ARPC1B: variants seen among roughly 807,000 people sequenced by gnomAD.
The protein encoded by ARPC1B is actin-related protein 2/3 complex subunit 1B.
Under a neutral mutation model 46.0 loss-of-function variants are expected in ARPC1B, and 29 were observed. The observed-to-expected ratio is 0.63, with a 90% CI of 0.47 to 0.86. The LOEUF is 0.86. Ranked by LOEUF, ARPC1B falls within the 40% of genes least tolerant of loss-of-function variation. The pLI is 0.00. For missense variants in ARPC1B, 469 were observed against 529.4 expected, an observed-to-expected ratio of 0.89 and a Z score of 1.12; for synonymous variants, 201 against 213.9, an observed-to-expected ratio of 0.94 and a Z score of 0.53.
In ARPC1B at chr7:99,389,957, G is replaced by T. The variant is rs143427534; in HGVS notation, c.445G>T (p.Asp149Tyr). ...CATCCGCTCCACCGTCCTCAGCCTG[G>T]ACTGGCACCCCAACAATGTGCTGCT... ...KPIRSTVLSL[D>Y]WHPNNVLLAA... Residue 149 changes from aspartate (D) to tyrosine (Y), a missense_variant, in exon 5 of 10, where the codon GAC becomes TAC. Coordinates refer to ENST00000646101, the MANE Select transcript of ARPC1B (RefSeq NM_005720.4). The T allele has an allele frequency of 5.9e-4, 950 of 1,614,036 alleles. 2 individuals are homozygous for T. Among genetic ancestry groups the T allele is most frequent in the Non-Finnish European group, 3.8e-4 (452 of 1,180,034 alleles).
rs1562815743 is a variant in ARPC1B at position 99,388,248 on chromosome 7, CAGG to C, written c.382_384del (p.Glu128del). The C allele has an allele frequency of 6.2e-7, 1 of 1,613,894 alleles. No homozygotes were observed. The stretch of plus-strand genomic sequence containing the variant: ...TGTGATCTCCATCTGTTATTTCGAG[CAGG>C]AGAATGACTGGTGGGTACCTAGGCA... On this transcript the variant is annotated inframe_deletion, in exon 4 of 10. Transcript: ENST00000646101.
At chr7:99,384,860 CTTTTTTT>C (rs1245581099) in intron 1 of ARPC1B, among the ~76,000 whole-genome samples, 14 of 101,202 alleles carry the variant, frequency 1.4e-4, no homozygotes, top group Non-Finnish European at 1.2e-4. Flanking sequence ...TACTTCATTT[CTTTTTTT>C]TTTTTTTTTT....
intron 3 of ARPC1B, among the ~76,000 whole-genome samples, chr7:99,387,548 G>A (rs1794431924): frequency 6.6e-6 from 1 of 152,156 alleles, no homozygotes; most frequent in South Asian, 2.1e-4. Flanking sequence ...GACCAGCCTG[G>A]TCAACATGGT....
chr7:99,392,951 C>T (rs543957041), intron 8 of ARPC1B, 75 bp downstream of exon 8: 2 of 1,397,304 alleles, frequency 1.4e-6, no homozygotes, highest in Admixed American at 2.5e-5. Flanking sequence ...GAGGAAGGGG[C>T]CTGGAGTCTT....
intron 2 of ARPC1B, chr7:99,386,302 C>T: frequency 2.6e-6 from 1 of 378,764 alleles, no homozygotes; most frequent in South Asian, 2.1e-5. Flanking sequence ...AAGAAAAAGC[C>T]TTTCGGAGGA....
At chr7:99,393,954 C>T (rs935644400) in intron 8 of ARPC1B, 75 bp from the exon 9 acceptor site, 28 of 1,472,850 alleles carry the variant, frequency 1.9e-5, no homozygotes, top group Non-Finnish European at 2.5e-5. Flanking sequence ...AGTCTGGGAG[C>T]GCCTGGTGGA....
At position 99,388,239 on chromosome 7, in the gene ARPC1B, T is replaced by C. The variant is rs1425250733; in HGVS notation, c.370T>C (p.Tyr124His). The part of the protein sequence containing the change: ...GSGSRVISIC[Y>H]FEQENDWWVC... ...CGGCTCTCGTGTGATCTCCATCTGTTATTTCGAGCAGGAGAATGACTGGTG... is the reference window on the plus strand; with the variant it reads ...CGGCTCTCGTGTGATCTCCATCTGTCATTTCGAGCAGGAGAATGACTGGTG... The change falls in exon 4 of 10, where the codon TAT becomes CAT. Residue 124 changes from tyrosine (Y) to histidine (H), a missense_variant. By Grantham distance (83) the Tyr-to-His change is moderately conservative (BLOSUM62 2). Coordinates refer to ENST00000646101, the MANE Select transcript of ARPC1B (RefSeq NM_005720.4). 2.5e-6 allele frequency: 4 copies of C among 1,614,096 alleles called. No homozygotes were observed. Among genetic ancestry groups the C allele is most frequent in the Non-Finnish European group, 3.4e-6 (4 of 1,179,960 alleles).
Position 99,394,457 on chromosome 7 carries a change from G to A in ARPC1B, c.1087G>A (p.Glu363Lys). 1 of 1,613,982 alleles carries A rather than the reference G, an allele frequency of 6.2e-7. No individual in the cohort carries two copies. The highest frequency in any genetic ancestry group is 8.5e-7 in the Non-Finnish European group (1 of 1,179,930). ...GMSIWDVKSL[E>K]SALKDLKIK ...CCGTTCTGCCTCCCTGCAGAGCTTG[G>A]AGTCAGCCTTGAAGGACCTCAAGAT... Residue 363 changes from glutamate (E) to lysine (K), a missense_variant, in exon 10 of 10, where the codon GAG becomes AAG. Glu to Lys is a moderately conservative substitution (Grantham distance 56, BLOSUM62 1). Coordinates refer to ENST00000646101, the MANE Select transcript of ARPC1B (RefSeq NM_005720.4).
In ARPC1B at chr7:99,388,183, C is replaced by T. The variant is rs1186149065; in HGVS notation, c.314C>T (p.Ala105Val). 5.0e-6 allele frequency: 8 copies of T among 1,614,240 alleles called. No individual in the cohort carries two copies. Among genetic ancestry groups the T allele is most frequent in the Non-Finnish European group, 6.8e-6 (8 of 1,180,034 alleles). ...INRAARCVRW[A>V]PNENKFAVGS... ...CGGGCTGCCCGCTGCGTGCGCTGGG[C>T]CCCCAACGAGAACAAGTTTGCTGTG... The change falls in exon 4 of 10, where the codon GCC becomes GTC. Residue 105 changes from alanine (A) to valine (V), a missense_variant. Coordinates refer to ENST00000646101, the MANE Select transcript of ARPC1B (RefSeq NM_005720.4).
intron 4 of ARPC1B, 197 bp from the exon 5 acceptor site, chr7:99,389,708 C>CGTATCATTAAAAA: frequency 1.7e-6 from 1 of 584,614 alleles, no homozygotes; most frequent in Admixed American, 3.0e-5. Flanking sequence ...ACAGAGTTCC[C>CGTATCATTAAAAA]ACTCCAGAAG....
chr7:99,389,528 T>TA (rs1278015670), intron 4 of ARPC1B: 4 of 184,396 alleles, frequency 2.2e-5, no homozygotes, highest in Non-Finnish European at 4.6e-5. Context: ...GTCCACGTCT[T>TA]AGTTTTTAAT....
chr7:99,385,871 C>T, intron 2 of ARPC1B, 93 bp downstream of exon 2: 3 of 1,318,684 alleles, frequency 2.3e-6, no homozygotes, highest in East Asian at 5.0e-5. Context: ...AGCAGCCAGG[C>T]CCCCGGACCA....
intron 3 of ARPC1B, among the ~76,000 whole-genome samples, chr7:99,387,436 T>A (rs764195100): frequency 6.8e-6 from 1 of 146,570 alleles, no homozygotes; most frequent in Non-Finnish European, 1.5e-5. Context: ...TGTGTCGCAA[T>A]AAAAACAAAG....
chr7:99,380,491 T>G (rs1438678229), intron 1 of ARPC1B, among the ~76,000 whole-genome samples: 2 of 152,256 alleles, frequency 1.3e-5, no homozygotes, highest in African/African-American at 4.8e-5. Flanking sequence ...GAAGTGTGAT[T>G]GGCTGATAGG....
chr7:99,383,757 G>A (rs1405974630), intron 1 of ARPC1B, among the ~76,000 whole-genome samples: 1 of 152,212 alleles, frequency 6.6e-6, no homozygotes, highest in East Asian at 1.9e-4. Flanking sequence ...GGAAGCCCGA[G>A]GCAGGTGCAT....
chr7:99,392,691 G>C lies in ARPC1B; in HGVS notation c.804G>C (p.Val268=). Residue 268 remains valine, a synonymous_variant, in exon 8 of 10, where the codon GTG becomes GTC. Transcript: ENST00000646101. ...LVAAGHDCFP[V]LFTYDAAAGM... ...CGCAGGGCCACGACTGCTTCCCGGT[G>C]CTGTTCACCTATGACGCCGCCGCGG... The C allele has an allele frequency of 6.5e-7, 1 of 1,539,892 alleles. No homozygotes were observed. The highest frequency in any genetic ancestry group is 8.8e-7 in the Non-Finnish European group (1 of 1,139,690).
At position 99,394,032 on chromosome 7, in the gene ARPC1B, G is replaced by C. The variant is rs879820720; in HGVS notation, c.993G>C (p.Gln331His). ...LDSLHKNSVS[Q>H]ISVLSGGKAK... ...AAGCTCCTCTTCCTCTTTGCAGCCA[G>C]ATCTCGGTGCTCAGCGGCGGCAAGG... The change falls in exon 9 of 10, where the codon CAG (glutamine) becomes CAC (histidine). Residue 331 changes from glutamine (Q) to histidine (H), a missense_variant. By Grantham distance (24) the Gln-to-His change is conservative. Transcript: ENST00000646101. 5 of 1,612,856 alleles carry C rather than the reference G, an allele frequency of 3.1e-6. No individual in the cohort carries two copies. The African/African-American group carries it at 6.7e-5, about 22-fold the overall frequency.
chr7:99,387,726 G>T (rs1232402821), intron 3 of ARPC1B, among the ~76,000 whole-genome samples: 1 of 134,590 alleles, frequency 7.4e-6, no homozygotes, highest in African/African-American at 3.0e-5. Flanking sequence ...GGCTGAGCGA[G>T]ACTCTGTCTC....
At chr7:99,380,220 C>T (rs1490458719) in intron 1 of ARPC1B, among the ~76,000 whole-genome samples, 1 of 152,166 alleles carries the variant, frequency 6.6e-6, no homozygotes, top group East Asian at 1.9e-4. Context: ...GTGTCCCCGG[C>T]TAGAATCCCT....
Sources: gnomAD v4.1 joint callset for allele counts (sites outside exome capture counted in the v4.1 genomes callset) on GRCh38, gnomAD v4.1.1 for gene constraint, MANE v1.5 for transcripts, NCBI Gene and HGNC (gene_info 2026-07-23, HGNC 2026-07-21) for gene names.